Variants in RCAN3 observed in about 807,000 individuals in gnomAD.
The protein encoded by RCAN3 is regulator of calcineurin 3.
RCAN3 carries 19 observed loss-of-function variants against 21.9 expected under a neutral mutation model. The observed-to-expected ratio is 0.87, with a 90% confidence interval of 0.61 to 1.27. The LOEUF is 1.27. Among genes scored for constraint, RCAN3 ranks in the 50% most tolerant of loss-of-function variants. The pLI, the probability that RCAN3 is intolerant of heterozygous loss-of-function variation, is 0.00. For synonymous variants in RCAN3, 114 were observed against 112.3 expected (o/e 1.01, Z -0.09); for missense variants, 240 against 300.1 (o/e 0.80, Z 1.48).
chr1:24,530,356 C>CAAAAAAAAAAAAAAAAAAAA (rs56914359), intron 2 of RCAN3, among the ~76,000 whole-genome samples: 12 of 81,500 alleles, frequency 1.5e-4, no homozygotes, highest in East Asian at 2.9e-4. Flanking sequence ...CTCTTATCTC[C>CAAAAAAAAAAAAAAAAAAAA]AAAAAAAAAA....
chr1:24,537,118 T>C lies in RCAN3; in HGVS notation c.*1841T>C, dbSNP rs1650278316. 1.3e-5 allele frequency: 2 copies of C among 152,226 alleles called. No individual in the cohort carries two copies. Among genetic ancestry groups the C allele is most frequent in the Non-Finnish European group, 2.9e-5 (2 of 68,044 alleles). 9.4% of individuals were successfully genotyped at this position (152,226 alleles called of 1,614,324 possible). A position where few individuals can be genotyped will look rare whatever the true frequency, so the allele number is the denominator to read the frequency against. ...TTTTTGAATTTCCTTTTAGGTAATA[T>C]TGATTCACTGTAATTTTCTAAGTGA... On this transcript the variant is annotated 3_prime_UTR_variant, in exon 5 of 5. Coordinates refer to ENST00000374395, the MANE Select transcript of RCAN3 (RefSeq NM_013441.4).
intron 1 of RCAN3, among the ~76,000 whole-genome samples, chr1:24,505,816 A>G (rs752720044): frequency 5.3e-5 from 8 of 152,234 alleles, no homozygotes; most frequent in African/African-American, 1.7e-4. Flanking sequence ...ATGTTCACCA[A>G]GTTGGGAAGC....
At chr1:24,526,898 T>C (rs1473078146) in intron 2 of RCAN3, among the ~76,000 whole-genome samples, 3 of 152,226 alleles carry the variant, frequency 2.0e-5, no homozygotes, top group African/African-American at 7.2e-5. Context: ...AAATGGATGC[T>C]AAAGAAACTT....
At position 24,535,470 on chromosome 1, in the gene RCAN3, G is replaced by GTGA. The variant is rs1309141214; in HGVS notation, c.*195_*197dup. ...TGATTTGACCTGTCCCAGATTTTAAGTGATATTCCAAAAGGGACTTTACAT... is the reference window on the plus strand; with the variant it reads ...TGATTTGACCTGTCCCAGATTTTAAGTGATGATATTCCAAAAGGGACTTTACAT... On this transcript the variant is annotated 3_prime_UTR_variant, in exon 5 of 5. Transcript: ENST00000374395. The GTGA allele has an allele frequency of 2.1e-6, 1 of 475,476 alleles. No homozygotes were observed. The highest frequency in any genetic ancestry group is 4.4e-5 in the Admixed American group (1 of 22,722). The allele number at this position is 475,476 out of a possible 1,614,324, so 29.5% of individuals were successfully genotyped here.
chr1:24,511,442 G>T (rs980860196), intron 1 of RCAN3, among the ~76,000 whole-genome samples: 1 of 152,026 alleles, frequency 6.6e-6, no homozygotes, highest in Non-Finnish European at 1.5e-5. Flanking sequence ...CACCCACGAC[G>T]TGTATTCGTT....
rs150017600 is a variant in RCAN3 at position 24,535,112 on chromosome 1, C to T, written c.561C>T (p.His187=). 3 of 1,595,774 alleles carry T rather than the reference C, an allele frequency of 1.9e-6. No individual in the cohort carries two copies. Among genetic ancestry groups the T allele is most frequent in the Non-Finnish European group, 2.6e-6 (3 of 1,173,756 alleles). ...CTGCAGGAGAGAAATATGAACTTCA[C>T]GCGGGAACAGAGTCGACACCCAGCG... is the stretch of plus-strand genomic sequence containing the variant. ...KLGPGEKYEL[H]AGTESTPSVV... is the part of the protein sequence containing the mutation. The change falls in exon 5 of 5, where the codon CAC becomes CAT. Residue 187 remains histidine (H), a synonymous_variant. Coordinates refer to ENST00000374395, the MANE Select transcript of RCAN3 (RefSeq NM_013441.4).
chr1:24,519,817 T>C (rs900748367), intron 2 of RCAN3, among the ~76,000 whole-genome samples: 8 of 152,202 alleles, frequency 5.3e-5, no homozygotes, highest in African/African-American at 1.9e-4. Flanking sequence ...AGAAACAGAA[T>C]TGTGAGCTGA....
At chr1:24,522,397 G>A (rs1009500815) in intron 2 of RCAN3, among the ~76,000 whole-genome samples, 8 of 152,186 alleles carry the variant, frequency 5.3e-5, no homozygotes, top group African/African-American at 1.9e-4. Context: ...TTGGAAGCAT[G>A]AGGGAGTTAA....
chr1:24,533,426 C>G (rs561282482), intron 4 of RCAN3, among the ~76,000 whole-genome samples, 172 bp downstream of exon 4: 1 of 152,352 alleles, frequency 6.6e-6, no homozygotes, highest in East Asian at 1.9e-4. Context: ...GAACAAGTTA[C>G]TTAGCCTCCA....
At chr1:24,524,880 A>C (rs1424006554) in intron 2 of RCAN3, among the ~76,000 whole-genome samples, 4 of 134,788 alleles carry the variant, frequency 3.0e-5, no homozygotes, top group Non-Finnish European at 6.1e-5. Flanking sequence ...CCCAGGCTGG[A>C]GTGCAGTGGC....
chr1:24,536,768 G>A lies in RCAN3; in HGVS notation c.*1491G>A, dbSNP rs1005844918. The stretch of plus-strand genomic sequence containing the variant: ...GTCATTGTGGTTTCGTTCTCACTGT[G>A]GTAAAATTTATTTCTGAGCACTTAA... On this transcript the variant is annotated 3_prime_UTR_variant, in exon 5 of 5. Transcript: ENST00000374395. 1 of 151,954 alleles carries A rather than the reference G, an allele frequency of 6.6e-6. No homozygotes were observed. The highest frequency in any genetic ancestry group is 2.4e-5 in the African/African-American group (1 of 41,348). The allele number at this position is 151,954 out of a possible 1,614,324, so 9.4% of individuals were successfully genotyped here. A position where few individuals can be genotyped will look rare whatever the true frequency, so the allele number is the denominator to read the frequency against.
chr1:24,535,010 AG>A, intron 4 of RCAN3, 82 bp from the exon 5 acceptor site: 1 of 1,327,770 alleles, frequency 7.5e-7, no homozygotes, highest in Non-Finnish European at 1.0e-6. Context: ...AAATAGGAGT[AG>A]AACAAAAAGT....
At chr1:24,513,590 G>A (rs541715539) in intron 1 of RCAN3, among the ~76,000 whole-genome samples, 35 of 152,222 alleles carry the variant, frequency 2.3e-4, no homozygotes, top group South Asian at 1.2e-3. Flanking sequence ...CCGGGAGGCG[G>A]AGGTTGCAGT....
chr1:24,529,291 GC>G (rs1335384969), intron 2 of RCAN3, among the ~76,000 whole-genome samples: 1 of 151,774 alleles, frequency 6.6e-6, no homozygotes, highest in African/African-American at 2.4e-5. Flanking sequence ...GGTGGCTCAT[GC>G]CTGTAATCCC....
chr1:24,534,571 C>T (rs1246654362), intron 4 of RCAN3, among the ~76,000 whole-genome samples: 1 of 151,630 alleles, frequency 6.6e-6, no homozygotes, highest in Non-Finnish European at 1.5e-5. Context: ...CGCACCACTG[C>T]ACTCCAGCCT....
At position 24,533,049 on chromosome 1, in the gene RCAN3, T is replaced by G. The variant is rs752728860; in HGVS notation, c.370-34T>G. 4.4e-6 allele frequency: 6 copies of G among 1,358,992 alleles called. No homozygotes were observed. The South Asian group carries it at 9.1e-5, about 21-fold the overall frequency. 84.2% of individuals were successfully genotyped at this position (1,358,992 alleles called of 1,614,324 possible). A position where few individuals can be genotyped will look rare whatever the true frequency, so the allele number is the denominator to read the frequency against. ...AAAATGAAGAAAACATAGCCCGGTT[T>G]GCAAACTGGCTTTGAGCGTCTCGCT... On this transcript the variant is annotated intron_variant, in intron 3 of 4. Transcript: ENST00000374395.
intron 1 of RCAN3, among the ~76,000 whole-genome samples, chr1:24,504,926 C>G (rs1263243305): frequency 6.6e-6 from 1 of 152,186 alleles, no homozygotes; most frequent in Non-Finnish European, 1.5e-5. Flanking sequence ...CTATCTGTCT[C>G]TTGCTGACAA....
chr1:24,523,412 A>G (rs1648980071), intron 2 of RCAN3, among the ~76,000 whole-genome samples: 1 of 152,080 alleles, frequency 6.6e-6, no homozygotes, highest in Non-Finnish European at 1.5e-5. Context: ...GTTAGAACGA[A>G]TAAGTGAGTT....
upstream of RCAN3, chr1:24,502,348 C>G (rs1647183096): frequency 6.6e-6 from 1 of 152,526 alleles, no homozygotes; most frequent in African/African-American, 2.4e-5. Flanking sequence ...CGTCCCACAC[C>G]TTGTGCTAGC....
Sources: gnomAD v4.1 joint callset for allele counts (sites outside exome capture counted in the v4.1 genomes callset) on GRCh38, gnomAD v4.1.1 for gene constraint, MANE v1.5 for transcripts, NCBI Gene and HGNC (gene_info 2026-07-23, HGNC 2026-07-21) for gene names.